PIK3CB: variants seen among roughly 807,000 people sequenced by gnomAD.
The protein encoded by PIK3CB is phosphatidylinositol 4,5-bisphosphate 3-kinase catalytic subunit beta isoform.
Under a neutral mutation model 136.8 loss-of-function variants are expected in PIK3CB, and 39 were observed. That is an observed-to-expected ratio of 0.29 (90% CI 0.22 to 0.37). The LOEUF (loss-of-function observed/expected upper bound fraction) is 0.37. Ranked by LOEUF, PIK3CB falls within the 10% of genes least tolerant of loss-of-function variation. The pLI is 1.00. For synonymous variants in PIK3CB, 428 were observed against 436.6 expected (o/e 0.98, Z 0.25); for missense variants, 868 against 1,275.4 (o/e 0.68, Z 4.87).
chr3:138,687,300 A>T (rs1455187453), intron 16 of PIK3CB, among the ~76,000 whole-genome samples: 1 of 152,176 alleles, frequency 6.6e-6, no homozygotes, highest in East Asian at 1.9e-4. Flanking sequence ...CTTTAACATC[A>T]AGCTGAGGCT....
At chr3:138,683,901 CAGAAGAGTCAGACTT>C (rs2043831302) in intron 17 of PIK3CB, 114 bp from the exon 18 acceptor site, 1 of 646,426 alleles carries the variant, frequency 1.5e-6, no homozygotes, top group East Asian at 2.7e-5. Flanking sequence ...GTCAGGTCTG[CAGAAGAGTCAGACTT>C]AGAAGAGTCC....
At chr3:138,677,702 G>A (rs1044550482) in intron 19 of PIK3CB, among the ~76,000 whole-genome samples, 2 of 152,170 alleles carry the variant, frequency 1.3e-5, no homozygotes, top group Non-Finnish European at 2.9e-5. Flanking sequence ...TTCAAGACCA[G>A]CCTGACCAAC....
chr3:138,741,372 T>A (rs1348831314), intron 5 of PIK3CB, among the ~76,000 whole-genome samples: 1 of 152,218 alleles, frequency 6.6e-6, no homozygotes, highest in East Asian at 1.9e-4. Flanking sequence ...CTTGTAAGGT[T>A]GGTGTGGGAA....
At chr3:138,661,639 C>T (rs759971645) in intron 21 of PIK3CB, among the ~76,000 whole-genome samples, 11 of 152,196 alleles carry the variant, frequency 7.2e-5, no homozygotes, top group Non-Finnish European at 1.5e-4. Flanking sequence ...AGTATGGACA[C>T]GAGATTCCTC....
intron 10 of PIK3CB, chr3:138,707,500 A>G (rs2044403889): frequency 7.6e-7 from 1 of 1,317,216 alleles, no homozygotes; most frequent in Non-Finnish European, 9.6e-7. Context: ...TAAAAATGAG[A>G]AAGTTAACAA....
chr3:138,751,741 T>C (rs607044), intron 4 of PIK3CB, among the ~76,000 whole-genome samples: 100,684 of 151,856 alleles, frequency 0.66, 35,104 homozygotes, highest in East Asian at 0.98. Flanking sequence ...AGGCTTAAGG[T>C]AGGCAGATCG....
intron 12 of PIK3CB, 102 bp downstream of exon 12, chr3:138,704,341 T>C (rs1183128740): frequency 2.4e-6 from 2 of 825,888 alleles, no homozygotes; most frequent in Non-Finnish European, 2.1e-6. Context: ...TGTTCTTGCA[T>C]ATGAGTTACG....
intron 1 of PIK3CB, among the ~76,000 whole-genome samples, chr3:138,801,352 C>A (rs1190536565): frequency 6.6e-6 from 1 of 152,138 alleles, no homozygotes. Flanking sequence ...CTGGATCATG[C>A]CACCGCCATT....
Position 138,741,859 on chromosome 3 carries a change from C to T in PIK3CB, c.621+699G>A, listed in dbSNP as rs57095269. ...AAAAAAAAAATCCTTGAGTTTCTAC[C>T]TTAATCTAATGCCAGACCCTAGATG... is the stretch of plus-strand genomic sequence containing the variant. On this transcript the variant is annotated intron_variant, in intron 5 of 23. Coordinates refer to ENST00000674063, the MANE Select transcript of PIK3CB (RefSeq NM_006219.3). Among the ~76,000 whole-genome samples, 600 of 151,862 alleles carry T rather than the reference C, an allele frequency of 4.0e-3. 2 individuals carry two copies. Among genetic ancestry groups the T allele is most frequent in the African/African-American group, 0.013 (544 of 41,412 alleles).
intron 1 of PIK3CB, among the ~76,000 whole-genome samples, chr3:138,804,816 A>C: frequency 6.6e-6 from 1 of 152,114 alleles, no homozygotes; most frequent in East Asian, 1.9e-4. Context: ...CGAGGTCAGG[A>C]GATCAAGACC....
chr3:138,778,530 A>G, intron 2 of PIK3CB: 1 of 236,150 alleles, frequency 4.2e-6, no homozygotes, highest in Non-Finnish European at 8.5e-6. Flanking sequence ...CCCACAGCCA[A>G]TGTGTCCATC....
chr3:138,806,802 CTGTACACAGCTGGACGT>C (rs1490134915), intron 1 of PIK3CB, among the ~76,000 whole-genome samples: 5 of 152,168 alleles, frequency 3.3e-5, no homozygotes, highest in African/African-American at 1.2e-4. Context: ...AATGGTGATA[CTGTACACAGCTGGACGT>C]TGAAGAATAC....
At position 138,662,667 on chromosome 3, in the gene PIK3CB, G is replaced by T. The variant is rs367562367; in HGVS notation, c.2796+1239C>A. Reference sequence around the variant, plus strand: ...GGGTCAAATGGTATTTCTAGTTCTAGATCCCTGAGGAATCGCCACACTGAC... The same window carrying T: ...GGGTCAAATGGTATTTCTAGTTCTATATCCCTGAGGAATCGCCACACTGAC... On this transcript the variant is annotated intron_variant, in intron 21 of 23. Coordinates refer to ENST00000674063, the MANE Select transcript of PIK3CB (RefSeq NM_006219.3). 1.7e-4 allele frequency among the ~76,000 whole-genome samples: 26 copies of T among 150,968 alleles called. No individual in the cohort carries two copies. In the East Asian group the frequency reaches 4.5e-3, roughly 26 times the overall value.
At chr3:138,724,384 T>A (rs1307912701) in intron 8 of PIK3CB, among the ~76,000 whole-genome samples, 1 of 152,192 alleles carries the variant, frequency 6.6e-6, no homozygotes, top group African/African-American at 2.4e-5. Context: ...GGCTGCACTA[T>A]CCTCTCAGCA....
At chr3:138,668,788 A>G (rs1187210011) in intron 19 of PIK3CB, among the ~76,000 whole-genome samples, 7 of 152,150 alleles carry the variant, frequency 4.6e-5, no homozygotes, top group African/African-American at 1.7e-4. Flanking sequence ...CCATCACTGT[A>G]GCAACACACA....
At chr3:138,705,174 C>A (rs393853) in intron 11 of PIK3CB, among the ~76,000 whole-genome samples, 16,633 of 52,108 alleles carry the variant, frequency 0.32, 3,201 homozygotes, top group East Asian at 0.86. Flanking sequence ...AAAAAAAAAA[C>A]AAAAAACAAA....
intron 11 of PIK3CB, 67 bp downstream of exon 11, chr3:138,707,092 A>G: frequency 3.1e-6 from 3 of 983,542 alleles, no homozygotes; most frequent in Admixed American, 3.6e-5. Context: ...TAGAGCTTAA[A>G]CTATACATAG....
At chr3:138,694,276 G>C (rs1179636494) in intron 14 of PIK3CB, among the ~76,000 whole-genome samples, 1 of 151,956 alleles carries the variant, frequency 6.6e-6, no homozygotes, top group East Asian at 1.9e-4. Flanking sequence ...GCTAGGCAGA[G>C]GGTGCTTATG....
intron 1 of PIK3CB, among the ~76,000 whole-genome samples, chr3:138,827,824 A>AT: frequency 6.8e-6 from 1 of 147,836 alleles, no homozygotes; most frequent in East Asian, 2.6e-4. Flanking sequence ...CTAAAAAAAT[A>AT]CAAAAAAAAA....
Sources: allele counts gnomAD v4.1 joint callset (sites outside exome capture counted in the v4.1 genomes callset), GRCh38; gene constraint gnomAD v4.1.1; transcripts MANE v1.5; gene names NCBI Gene and HGNC (gene_info 2026-07-23, HGNC 2026-07-21).